The following PRKG1 variants were observed in gnomAD, a reference collection of about 807,000 sequenced individuals.
PRKG1 encodes cGMP-dependent protein kinase 1.
Under a neutral mutation model 88.1 loss-of-function variants are expected in PRKG1, and 35 were observed. The observed-to-expected ratio is 0.40, with a 90% CI of 0.30 to 0.53. The LOEUF is 0.53. Ranked by LOEUF, PRKG1 falls within the 20% of genes least tolerant of loss-of-function variation. The pLI, the probability that PRKG1 is intolerant of heterozygous loss-of-function variation, is 0.59. For missense variants in PRKG1, 540 were observed against 839.8 expected, an observed-to-expected ratio of 0.64 and a Z score of 4.41; for synonymous variants, 303 against 292.5, an observed-to-expected ratio of 1.04 and a Z score of -0.37.
chr10:51,794,438 A>G (rs1838957290), intron 3 of PRKG1, among the ~76,000 whole-genome samples: 1 of 152,134 alleles, frequency 6.6e-6, no homozygotes, highest in Admixed American at 6.6e-5. Flanking sequence ...TTTAGCATAG[A>G]TTACATGTTA....
At chr10:51,408,788 A>G (rs538440088) in intron 2 of PRKG1, among the ~76,000 whole-genome samples, 62 of 152,310 alleles carry the variant, frequency 4.1e-4, no homozygotes, top group African/African-American at 1.5e-3. Flanking sequence ...GGCTGGGGAA[A>G]GTGGCTGAGT....
intron 8 of PRKG1, among the ~76,000 whole-genome samples, chr10:52,161,456 G>A (rs1838273694): frequency 6.6e-6 from 1 of 151,974 alleles, no homozygotes; most frequent in Non-Finnish European, 1.5e-5. Context: ...TTTGAGAATT[G>A]TAATTAATAT....
intron 1 of PRKG1, among the ~76,000 whole-genome samples, chr10:51,109,822 A>G (rs1844939956): frequency 6.6e-6 from 1 of 152,136 alleles, no homozygotes; most frequent in Non-Finnish European, 1.5e-5. Context: ...AGACTGGGAT[A>G]ATGTTTTGGA....
chr10:51,412,170 GGA>G (rs1361490688), intron 2 of PRKG1, among the ~76,000 whole-genome samples: 1 of 103,940 alleles, frequency 9.6e-6, no homozygotes, highest in Admixed American at 9.9e-5. Context: ...GCTGATTAAA[GGA>G]GAGAGAGTGA....
At chr10:51,019,555 A>G (rs536450890) in intron 1 of PRKG1, among the ~76,000 whole-genome samples, 97 of 152,306 alleles carry the variant, frequency 6.4e-4, no homozygotes, top group Admixed American at 1.2e-3. Flanking sequence ...AGAATAAAAC[A>G]TATGGGGAAA....
chr10:51,767,066 A>T (rs541195046), intron 3 of PRKG1, among the ~76,000 whole-genome samples: 93 of 151,314 alleles, frequency 6.1e-4, no homozygotes, highest in African/African-American at 2.2e-3. Context: ...AGTCCTTTTT[A>T]CTGGGAGTAA....
At chr10:52,190,302 A>C (rs1462058009) in intron 9 of PRKG1, among the ~76,000 whole-genome samples, 3 of 152,192 alleles carry the variant, frequency 2.0e-5, no homozygotes, top group African/African-American at 7.2e-5. Flanking sequence ...AATCCCAAAG[A>C]ATATGGAAAA....
intron 3 of PRKG1, chr10:51,699,090 T>C (rs1220903178): frequency 6.2e-7 from 1 of 1,614,232 alleles, no homozygotes; most frequent in Admixed American, 1.7e-5. Context: ...TCCTGGTGGC[T>C]GTTTTGGACA....
chr10:51,683,698 C>A (rs1002098005), intron 3 of PRKG1, among the ~76,000 whole-genome samples: 7 of 152,072 alleles, frequency 4.6e-5, no homozygotes, highest in South Asian at 2.1e-4. Flanking sequence ...GAACCTGGAC[C>A]CTGCCATGCA....
chr10:52,033,873 G>A (rs1467905529), intron 5 of PRKG1, among the ~76,000 whole-genome samples: 4 of 151,954 alleles, frequency 2.6e-5, no homozygotes, highest in African/African-American at 4.8e-5. Flanking sequence ...AAGGGAGATA[G>A]GGGTGGGGCC....
intron 3 of PRKG1, among the ~76,000 whole-genome samples, chr10:51,476,775 C>G (rs932004772): frequency 1.3e-5 from 2 of 152,016 alleles, no homozygotes; most frequent in East Asian, 1.9e-4. Context: ...ATTCCTCCCC[C>G]TGGATTAAGT....
chr10:51,079,900 C>G (rs9414810), intron 1 of PRKG1, among the ~76,000 whole-genome samples: 38,289 of 152,100 alleles, frequency 0.25, 5,021 homozygotes, highest in African/African-American at 0.3. Context: ...TTTCCACTCA[C>G]TTCCAAATGT....
In PRKG1 at chr10:51,120,469, C is replaced by T. The variant is rs140022850; in HGVS notation, c.312-32695C>T. 5.1e-4 allele frequency among the ~76,000 whole-genome samples: 77 copies of T among 152,108 alleles called. 2 individuals are homozygous for T. The East Asian group carries it at 8.3e-3, about 16-fold the overall frequency. On this transcript the variant is annotated intron_variant, in intron 1 of 17. Transcript: ENST00000373980. ...TATACAATTTTCTCTCTCTGTCTTT[C>T]CTTCACAACATTTTCAAATTTCTTT...
Position 51,267,434 on chromosome 10 carries a change from TTAC to T in PRKG1, c.478+114107_478+114109del, listed in dbSNP as rs1291323781. Among the ~76,000 whole-genome samples the T allele has an allele frequency of 4.6e-5, 7 of 152,344 alleles. No homozygotes were observed. In the East Asian group the frequency reaches 1.3e-3, roughly 29 times the overall value. On this transcript the variant is annotated intron_variant, in intron 2 of 17. Coordinates refer to ENST00000373980, the MANE Select transcript of PRKG1 (RefSeq NM_006258.4). ...AAAAATATTAGGTGTCTTTCAGTTTTTACTATGTTAAATATTTCTGCAAAATAT... is the reference window on the plus strand; with the variant it reads ...AAAAATATTAGGTGTCTTTCAGTTTTTATGTTAAATATTTCTGCAAAATAT...
intron 3 of PRKG1, among the ~76,000 whole-genome samples, chr10:51,799,645 C>A (rs1239719697): frequency 6.6e-6 from 1 of 151,840 alleles, no homozygotes; most frequent in Admixed American, 6.6e-5. Context: ...TGTCAGGGAA[C>A]TCAGGGAAAT....
chr10:52,166,403 A>G (rs946858040), intron 9 of PRKG1, among the ~76,000 whole-genome samples: 19 of 149,280 alleles, frequency 1.3e-4, no homozygotes, highest in African/African-American at 4.2e-4. Flanking sequence ...TTTAATAATT[A>G]TTATGAAATA....
chr10:51,164,095 G>C (rs545876520), intron 2 of PRKG1, among the ~76,000 whole-genome samples: 132 of 152,314 alleles, frequency 8.7e-4, no homozygotes, highest in African/African-American at 2.2e-3. Context: ...ACTGCCTCCT[G>C]AAGTGGGTCC....
intron 4 of PRKG1, among the ~76,000 whole-genome samples, chr10:51,864,719 A>T (rs1190738332): frequency 6.6e-6 from 1 of 152,192 alleles, no homozygotes; most frequent in Non-Finnish European, 1.5e-5. Context: ...TAGCAACAAT[A>T]TGTTTCAGAC....
chr10:52,125,587 G>A (rs533661655), intron 7 of PRKG1: 14 of 152,206 alleles, frequency 9.2e-5, no homozygotes, highest in Admixed American at 8.5e-4. Flanking sequence ...ATTGGAACAC[G>A]TTTCTGTTTG....
Sources: allele counts gnomAD v4.1 joint callset (sites outside exome capture counted in the v4.1 genomes callset), GRCh38; gene constraint gnomAD v4.1.1; transcripts MANE v1.5; gene names NCBI Gene and HGNC (gene_info 2026-07-23, HGNC 2026-07-21).